The following DIAPH3 variants were observed in gnomAD, a reference collection of about 807,000 sequenced individuals.
DIAPH3 encodes protein diaphanous homolog 3.
DIAPH3 carries 117 observed loss-of-function variants against 144.3 expected under a neutral mutation model. That is an observed-to-expected ratio of 0.81 (90% CI 0.70 to 0.95). The LOEUF (loss-of-function observed/expected upper bound fraction) is 0.95, where lower values mean the gene tolerates loss of function less well. Ranked by LOEUF, DIAPH3 falls within the 40% of genes least tolerant of loss-of-function variation. The probability of loss-of-function intolerance (pLI) is 0.00; values close to 1 mark genes in which losing one functional copy is unlikely to be tolerated. For synonymous variants in DIAPH3, 519 were observed against 488.9 expected (o/e 1.06, Z -0.81); for missense variants, 1,421 against 1,412.7 (o/e 1.01, Z -0.09).
chr13:60,146,539 G>A lies in DIAPH3; in HGVS notation c.181-13550C>T, dbSNP rs140960779. Reference sequence around the variant, plus strand: ...TCTAGAATGGGATTTGATACAGAGCGGCCCAATACTGTACCTAATTTGCAC... The same window carrying A: ...TCTAGAATGGGATTTGATACAGAGCAGCCCAATACTGTACCTAATTTGCAC... On this transcript the variant is annotated intron_variant, in intron 1 of 27. Transcript: ENST00000400324. Among the ~76,000 whole-genome samples the A allele has an allele frequency of 9.2e-5, 14 of 152,246 alleles. No homozygotes were observed. In the East Asian group the frequency reaches 1.5e-3, roughly 17 times the overall value.
chr13:59,997,923 T>TA (rs1184398069), intron 9 of DIAPH3, among the ~76,000 whole-genome samples: 1 of 152,062 alleles, frequency 6.6e-6, no homozygotes, highest in Non-Finnish European at 1.5e-5. Context: ...AATACTTAAA[T>TA]AAAAATTCTA....
At chr13:60,159,239 T>G (rs1952172512) in intron 1 of DIAPH3, among the ~76,000 whole-genome samples, 1 of 152,192 alleles carries the variant, frequency 6.6e-6, no homozygotes, top group South Asian at 2.1e-4. Context: ...AAGGCATCAC[T>G]AATTATTGCT....
Position 59,666,843 on chromosome 13 carries a change from T to C in DIAPH3, c.3323A>G (p.Asn1108Ser), listed in dbSNP as rs768891257. The C allele has an allele frequency of 1.2e-6, 2 of 1,613,964 alleles. No homozygotes were observed. The highest frequency in any genetic ancestry group is 2.2e-5 in the South Asian group (2 of 91,084). Residue 1108 changes from asparagine to serine, a missense_variant, in exon 28 of 28, where the codon AAT becomes AGT. Asn to Ser is a conservative substitution (Grantham distance 46). Coordinates refer to ENST00000400324, the MANE Select transcript of DIAPH3 (RefSeq NM_001042517.2). The stretch of plus-strand genomic sequence containing the variant: ...CCCTTCTGTCAACTGCACTTTCTGA[T>C]TTTCTACAGTAAGGAAAAAAGAAAC... ...RPVLKVCNHENQKVQLTEGSR... is the reference protein window; with the variant it reads ...RPVLKVCNHESQKVQLTEGSR...
At chr13:59,729,810 ATTTT>A (rs59987412) in intron 27 of DIAPH3, among the ~76,000 whole-genome samples, 19 of 134,234 alleles carry the variant, frequency 1.4e-4, no homozygotes, top group African/African-American at 5.8e-4. Context: ...ATACATTAAT[ATTTT>A]TTTTTTTTTT....
At chr13:59,824,420 C>CCAG (rs2041255454) in intron 24 of DIAPH3, among the ~76,000 whole-genome samples, 1 of 152,164 alleles carries the variant, frequency 6.6e-6, no homozygotes, top group Non-Finnish European at 1.5e-5. Flanking sequence ...CCAAGATGCT[C>CCAG]TGATGCCAGA....
intron 22 of DIAPH3, among the ~76,000 whole-genome samples, chr13:59,845,336 C>T (rs988259507): frequency 3.9e-5 from 6 of 152,164 alleles, no homozygotes; most frequent in Non-Finnish European, 8.8e-5. Flanking sequence ...GCCACCGCGC[C>T]TGGCTGACTT....
intron 9 of DIAPH3, among the ~76,000 whole-genome samples, chr13:59,996,687 A>G (rs1279590847): frequency 6.6e-6 from 1 of 152,056 alleles, no homozygotes; most frequent in Non-Finnish European, 1.5e-5. Flanking sequence ...ACAGGGGCCA[A>G]TAAAGTAGAT....
chr13:60,095,360 C>T (rs545800788), intron 3 of DIAPH3, among the ~76,000 whole-genome samples: 1 of 152,164 alleles, frequency 6.6e-6, no homozygotes, highest in East Asian at 1.9e-4. Context: ...TGCTCAGAGT[C>T]AGCAATGTAT....
chr13:59,987,285 T>C (rs1594235166), intron 12 of DIAPH3, among the ~76,000 whole-genome samples: 1 of 134,960 alleles, frequency 7.4e-6, no homozygotes, highest in South Asian at 2.3e-4. Flanking sequence ...TGAGATCACA[T>C]GGACACATGA....
At chr13:59,909,337 ATTTTGT>A (rs1228986056) in intron 20 of DIAPH3, among the ~76,000 whole-genome samples, 27 of 141,438 alleles carry the variant, frequency 1.9e-4, no homozygotes, top group African/African-American at 7.2e-4. Flanking sequence ...TTTGTCCAGT[ATTTTGT>A]TTTTTTTTTT....
chr13:60,154,830 G>GT (rs1951945991), intron 1 of DIAPH3, among the ~76,000 whole-genome samples: 1 of 152,154 alleles, frequency 6.6e-6, no homozygotes, highest in Admixed American at 6.5e-5. Flanking sequence ...AAGCAAGAGT[G>GT]TAAGGATAAG....
intron 24 of DIAPH3, among the ~76,000 whole-genome samples, chr13:59,816,771 T>C (rs1190344220): frequency 6.6e-6 from 1 of 151,858 alleles, no homozygotes; most frequent in African/African-American, 2.4e-5. Context: ...TCTGATACTT[T>C]TATATAATGT....
At chr13:60,010,070 AC>A (rs2053141960) in intron 8 of DIAPH3, among the ~76,000 whole-genome samples, 1 of 152,158 alleles carries the variant, frequency 6.6e-6, no homozygotes, top group South Asian at 2.1e-4. Flanking sequence ...TGTACCCTCA[AC>A]CAGTAAACTA....
intron 24 of DIAPH3, among the ~76,000 whole-genome samples, chr13:59,819,008 T>C (rs2040925220): frequency 1.3e-5 from 2 of 151,856 alleles, no homozygotes; most frequent in South Asian, 2.1e-4. Flanking sequence ...GAGGCCTATA[T>C]GTATTACTTT....
intron 27 of DIAPH3, among the ~76,000 whole-genome samples, chr13:59,748,341 A>G (rs1254058822): frequency 6.6e-6 from 1 of 152,154 alleles, no homozygotes; most frequent in Non-Finnish European, 1.5e-5. Context: ...AATCTATCCT[A>G]CCAGTTCTCA....
At chr13:59,676,586 C>T (rs1433565840) in intron 27 of DIAPH3, among the ~76,000 whole-genome samples, 1 of 152,170 alleles carries the variant, frequency 6.6e-6, no homozygotes, top group East Asian at 1.9e-4. Flanking sequence ...CCCACCATGC[C>T]AGGTGCTAAG....
At chr13:59,939,708 G>A (rs570039410) in intron 17 of DIAPH3, among the ~76,000 whole-genome samples, 1 of 152,200 alleles carries the variant, frequency 6.6e-6, no homozygotes, top group African/African-American at 2.4e-5. Flanking sequence ...ACAATGAAAT[G>A]GCTCTTTATC....
At chr13:60,033,168 T>A (rs192416115) in intron 5 of DIAPH3, among the ~76,000 whole-genome samples, 1 of 152,332 alleles carries the variant, frequency 6.6e-6, no homozygotes, top group East Asian at 1.9e-4. Flanking sequence ...CATATTACTA[T>A]CAGCATTTTG....
intron 27 of DIAPH3, among the ~76,000 whole-genome samples, chr13:59,691,174 T>C (rs2033498053): frequency 6.6e-6 from 1 of 152,148 alleles, no homozygotes. Flanking sequence ...AATTATCAGT[T>C]GCTTTTTAGT....
Sources: gnomAD v4.1 joint callset for allele counts (sites outside exome capture counted in the v4.1 genomes callset) on GRCh38, gnomAD v4.1.1 for gene constraint, MANE v1.5 for transcripts, NCBI Gene and HGNC (gene_info 2026-07-23, HGNC 2026-07-21) for gene names.